The following ARHGEF28 variants were observed in gnomAD, a reference collection of about 807,000 sequenced individuals.
ARHGEF28 encodes 190 kDa guanine nucleotide exchange factor.
A neutral mutation model predicts 206.6 loss-of-function variants in ARHGEF28; 152 were observed. The observed-to-expected ratio is 0.74, with a 90% CI of 0.64 to 0.84. ARHGEF28 has a LOEUF of 0.84. Ranked by LOEUF, ARHGEF28 falls within the 40% of genes least tolerant of loss-of-function variation. The pLI, the probability that ARHGEF28 is intolerant of heterozygous loss-of-function variation, is 0.00. For missense variants in ARHGEF28, 2,028 were observed against 2,073.2 expected (o/e 0.98, Z 0.42); for synonymous variants, 763 against 776.4 (o/e 0.98, Z 0.29).
At chr5:73,902,763 TAA>T (rs1440287093) in intron 31 of ARHGEF28, 1 of 152,186 alleles carries the variant, frequency 6.6e-6, no homozygotes, top group Non-Finnish European at 1.5e-5. Context: ...ACAACTCCAT[TAA>T]AAACGCGAAA....
rs1745419748 is a variant in ARHGEF28, at chr5:73,659,022, G to A, written c.-11-25819G>A. Among the ~76,000 whole-genome samples, 6 of 147,084 alleles carry A rather than the reference G, an allele frequency of 4.1e-5. No homozygotes were observed. In the South Asian group the frequency reaches 1.3e-3, roughly 31 times the overall value. ...ACACACACACCACACTCACAGGCAG[G>A]GGACTGTATATTTCTTGTAACTTGG... is the stretch of plus-strand genomic sequence containing the variant. On this transcript the variant is annotated intron_variant, in intron 1 of 35. Transcript: ENST00000513042.
At chr5:73,773,560 G>A (rs1753355884) in intron 4 of ARHGEF28, among the ~76,000 whole-genome samples, 1 of 152,140 alleles carries the variant, frequency 6.6e-6, no homozygotes. Context: ...TTCCCTAGAT[G>A]ACTGCACTGC....
chr5:73,858,237 T>G lies in ARHGEF28; in HGVS notation c.2047+18T>G. The G allele has an allele frequency of 6.4e-7, 1 of 1,556,748 alleles. No individual in the cohort carries two copies. Among genetic ancestry groups the G allele is most frequent in the Non-Finnish European group, 8.6e-7 (1 of 1,157,932 alleles). On this transcript the variant is annotated intron_variant, in intron 16 of 35. Transcript: ENST00000513042. ...GTGTTCTAGTAAGTTCTCAGGTCTA[T>G]GTGCGCTGTCTTTGTTTTCATCTCC...
intron 7 of ARHGEF28, among the ~76,000 whole-genome samples, chr5:73,786,863 T>C (rs970702473): frequency 6.6e-6 from 1 of 152,214 alleles, no homozygotes; most frequent in Non-Finnish European, 1.5e-5. Context: ...TGTTTTGAGA[T>C]ACCAGGACCC....
intron 10 of ARHGEF28, 138 bp downstream of exon 10, chr5:73,832,597 C>T (rs1317947677): frequency 2.5e-6 from 3 of 1,219,204 alleles, no homozygotes; most frequent in East Asian, 2.6e-5. Flanking sequence ...TGTGGGGTCT[C>T]ATTGTATGAG....
intron 4 of ARHGEF28, among the ~76,000 whole-genome samples, chr5:73,761,945 C>G (rs955621450): frequency 6.6e-6 from 1 of 151,584 alleles, no homozygotes; most frequent in Non-Finnish European, 1.5e-5. Flanking sequence ...ATTCTCTTTC[C>G]TCATCCTCCC....
intron 10 of ARHGEF28, among the ~76,000 whole-genome samples, chr5:73,837,510 C>G (rs928533183): frequency 2.6e-5 from 4 of 151,822 alleles, no homozygotes; most frequent in Admixed American, 1.3e-4. Flanking sequence ...TGTTCTGAGC[C>G]TTAGTGAATA....
At chr5:73,795,583 T>C (rs1754751271) in intron 9 of ARHGEF28, 192 bp downstream of exon 9, 1 of 503,212 alleles carries the variant, frequency 2.0e-6, no homozygotes, top group Non-Finnish European at 3.5e-6. Flanking sequence ...GAGACTCCAT[T>C]TACAATCTAA....
chr5:73,815,619 T>G (rs756000079), intron 9 of ARHGEF28, among the ~76,000 whole-genome samples: 2 of 152,170 alleles, frequency 1.3e-5, no homozygotes, highest in Non-Finnish European at 2.9e-5. Flanking sequence ...CCCAGTGTTG[T>G]TGGGGCCTGG....
intron 5 of ARHGEF28, among the ~76,000 whole-genome samples, 198 bp from the exon 6 acceptor site, chr5:73,776,315 ACTT>A (rs1753538546): frequency 6.6e-6 from 1 of 152,124 alleles, no homozygotes; most frequent in Non-Finnish European, 1.5e-5. Context: ...TTTCCAATAG[ACTT>A]CTTCTCTAGG....
chr5:73,904,135 A>G, intron 31 of ARHGEF28, 87 bp from the exon 32 acceptor site: 1 of 1,316,352 alleles, frequency 7.6e-7, no homozygotes, highest in Non-Finnish European at 1.1e-6. Context: ...AAAGTGATTT[A>G]CCCAAGGTCA....
chr5:73,645,582 T>G (rs1455124267), intron 1 of ARHGEF28, among the ~76,000 whole-genome samples: 2 of 152,244 alleles, frequency 1.3e-5, no homozygotes, highest in Non-Finnish European at 2.9e-5. Context: ...TGTCTGACCC[T>G]TCCTCAGAAA....
intron 33 of ARHGEF28, chr5:73,904,683 A>C: frequency 2.3e-6 from 1 of 435,114 alleles, no homozygotes; most frequent in East Asian, 3.8e-5. Flanking sequence ...TTACAATGAA[A>C]CTCTTAGGTG....
chr5:73,927,401 C>G (rs1008168318), intron 35 of ARHGEF28, among the ~76,000 whole-genome samples: 1 of 152,086 alleles, frequency 6.6e-6, no homozygotes, highest in African/African-American at 2.4e-5. Flanking sequence ...CAGTGCTAGT[C>G]ACAGGTCAGA....
In ARHGEF28 at chr5:73,813,663, G is replaced by A. The variant is rs143394331; in HGVS notation, c.1024+18272G>A. On this transcript the variant is annotated intron_variant, in intron 9 of 35. Transcript: ENST00000513042. ...CCAAAATGAAGATTCGAAGAAGGAC[G>A]TCCAAACAAGGTAGATTGCAGTATC... The A allele has an allele frequency of 0.021, 31,798 of 1,535,558 alleles. 957 individuals are homozygous for A. Among genetic ancestry groups the A allele is most frequent in the Admixed American group, 0.15 (7,434 of 50,968 alleles).
At chr5:73,905,375 C>T (rs1762492572) in intron 33 of ARHGEF28, 2 of 151,616 alleles carry the variant, frequency 1.3e-5, no homozygotes, top group South Asian at 4.2e-4. Flanking sequence ...AGACCACTAC[C>T]TTAGACCATG....
In ARHGEF28 at chr5:73,817,056, C is replaced by T. The variant is rs190893222; in HGVS notation, c.1025-15282C>T. Among the ~76,000 whole-genome samples, 57 of 152,138 alleles carry T rather than the reference C, an allele frequency of 3.7e-4. 1 individual carries two copies. Among genetic ancestry groups the T allele is most frequent in the South Asian group, 2.7e-3 (13 of 4,818 alleles). On this transcript the variant is annotated intron_variant, in intron 9 of 35. Transcript: ENST00000513042. ...GAAAAATACAGGAATTAGGCTTTACCCAAGGTTCTCATAATTGTCATTCAA... is the reference window on the plus strand; with the variant it reads ...GAAAAATACAGGAATTAGGCTTTACTCAAGGTTCTCATAATTGTCATTCAA...
chr5:73,683,304 C>G (rs897996470), intron 1 of ARHGEF28, among the ~76,000 whole-genome samples: 1 of 152,128 alleles, frequency 6.6e-6, no homozygotes, highest in Non-Finnish European at 1.5e-5. Context: ...CTCCAGAACA[C>G]TTTCATCTAT....
At chr5:73,872,230 A>G (rs1373952242) in intron 21 of ARHGEF28, among the ~76,000 whole-genome samples, 4 of 152,184 alleles carry the variant, frequency 2.6e-5, no homozygotes, top group Non-Finnish European at 4.4e-5. Flanking sequence ...CATTTCCCCA[A>G]TAGCTAATGG....
Sources: allele counts gnomAD v4.1 joint callset (sites outside exome capture counted in the v4.1 genomes callset), GRCh38; gene constraint gnomAD v4.1.1; transcripts MANE v1.5; gene names NCBI Gene and HGNC (gene_info 2026-07-23, HGNC 2026-07-21).